Variants in KCNK15 observed in about 807,000 individuals in gnomAD.
KCNK15 encodes potassium channel subfamily K member 15.
Under a neutral mutation model 8.5 loss-of-function variants are expected in KCNK15, and 9 were observed. The ratio of observed to expected loss-of-function variants is 1.06; its 90% CI spans 0.64 to 1.85. The LOEUF (loss-of-function observed/expected upper bound fraction) is 1.85, where lower values mean the gene tolerates loss of function less well. Ranked by LOEUF, KCNK15 falls within the 40% of genes most tolerant of loss-of-function variation. The pLI, the probability that KCNK15 is intolerant of heterozygous loss-of-function variation, is 0.00. For missense variants in KCNK15, 467 were observed against 476.8 expected, an observed-to-expected ratio of 0.98 and a Z score of 0.19; for synonymous variants, 224 against 232.7, an observed-to-expected ratio of 0.96 and a Z score of 0.34.
chr20:44,748,818 C>T (rs1343960145), intron 1 of KCNK15, among the ~76,000 whole-genome samples: 1 of 152,052 alleles, frequency 6.6e-6, no homozygotes, highest in African/African-American at 2.4e-5. Context: ...TAGCAGTGTC[C>T]CTGGCCTCTA....
In KCNK15 at chr20:44,750,158, T is replaced by C. The variant is rs2066023003; in HGVS notation, c.313T>C (p.Ser105Pro). The C allele has an allele frequency of 6.2e-7, 1 of 1,611,904 alleles. No homozygotes were observed. The highest frequency in any genetic ancestry group is 8.5e-7 in the Non-Finnish European group (1 of 1,179,584). The change falls in exon 2 of 2, where the codon TCC (serine) becomes CCC (proline). Residue 105 changes from serine to proline, a missense_variant. Physicochemically the swap from Ser to Pro is moderately conservative, Grantham distance 74. This residue lies in a region of KCNK15 where 455 missense variants were observed against 441.2 expected (regional missense o/e 1.03). Transcript: ENST00000372861. ...EYGHAAPGTD[S>P]GKVFCMFYAL... ...CGGCCACGCCGCGCCGGGTACGGAC[T>C]CCGGCAAGGTCTTCTGCATGTTCTA...
In KCNK15 at chr20:44,750,796, C is replaced by T. The variant is rs2066028224; in HGVS notation, c.951C>T (p.Gly317=). ...CCTCGAGCCCGGGGGTCGTGCGTGG[C>T]GGGCAGGCTCCCAGGCTTGGGGCCC... The part of the protein sequence containing the change: ...SPPSSPGVVR[G]GQAPRLGARW... The change falls in exon 2 of 2, where the codon GGC becomes GGT. Residue 317 remains glycine (G), a synonymous_variant. Coordinates refer to ENST00000372861, the MANE Select transcript of KCNK15 (RefSeq NM_022358.4). 6.7e-7 allele frequency: 1 copy of T among 1,497,912 alleles called. No individual in the cohort carries two copies. Among genetic ancestry groups the T allele is most frequent in the Non-Finnish European group, 8.9e-7 (1 of 1,129,080 alleles). The allele number at this position is 1,497,912 out of a possible 1,614,324, so 92.8% of individuals were successfully genotyped here.
chr20:44,748,885 A>G (rs1293258420), intron 1 of KCNK15, among the ~76,000 whole-genome samples: 2 of 152,126 alleles, frequency 1.3e-5, no homozygotes, highest in African/African-American at 4.8e-5. Context: ...ATTTGTGACA[A>G]CCAGAATGTC....
intron 1 of KCNK15, among the ~76,000 whole-genome samples, chr20:44,748,590 C>T (rs569397964): frequency 6.6e-6 from 1 of 152,290 alleles, no homozygotes; most frequent in Admixed American, 6.5e-5. Context: ...GTGTGTCCTT[C>T]TGGATATATT....
chr20:44,747,746 C>T (rs1396793990), intron 1 of KCNK15, among the ~76,000 whole-genome samples: 1 of 152,254 alleles, frequency 6.6e-6, no homozygotes, highest in Non-Finnish European at 1.5e-5. Flanking sequence ...TTGCAGAGAG[C>T]CAGGTGCCAG....
Position 44,746,035 on chromosome 20 carries a change from T to G in KCNK15, c.125T>G (p.Val42Gly). 6.5e-7 allele frequency: 1 copy of G among 1,544,846 alleles called. No homozygotes were observed. The highest frequency in any genetic ancestry group is 1.4e-5 in the African/African-American group (1 of 70,868). Residue 42 changes from valine to glycine, a missense_variant, in exon 1 of 2, where the codon GTC becomes GGC. Coordinates refer to ENST00000372861, the MANE Select transcript of KCNK15 (RefSeq NM_022358.4). ...GAAAGCGGCCGCCAGCGACTGCTGG[T>G]CCAGAAGCGGGGCGCTCTCCGGAGG... is the stretch of plus-strand genomic sequence containing the variant. ...EAESGRQRLLVQKRGALRRKF... is the reference protein window; with the variant it reads ...EAESGRQRLLGQKRGALRRKF...
Position 44,750,273 on chromosome 20 carries a change from C to G in KCNK15, c.428C>G (p.Ala143Gly). Residue 143 changes from alanine to glycine, a missense_variant, in exon 2 of 2, where the codon GCC becomes GGC. By Grantham distance (60) the Ala-to-Gly change is moderately conservative. This residue lies in a region of KCNK15 where 455 missense variants were observed against 441.2 expected (regional missense o/e 1.03). Transcript: ENST00000372861. ...NAVVRRLLLA[A>G]KCCLGLRWTC... The stretch of plus-strand genomic sequence containing the variant: ...GTGGTGCGGCGCCTCCTGTTGGCGG[C>G]CAAGTGCTGCCTGGGCCTGCGGTGG... 1 of 1,605,864 alleles carries G rather than the reference C, an allele frequency of 6.2e-7. No homozygotes were observed. Among genetic ancestry groups the G allele is most frequent in the Non-Finnish European group, 8.5e-7 (1 of 1,177,104 alleles).
rs2066035893 is a variant in KCNK15, at chr20:44,752,134, A to T, written c.*1296A>T. ...TAGACGGGCACCATCAGCCCACCTC[A>T]CAGGCTCGGCGTCGGGTGAGCTCGT... On this transcript the variant is annotated 3_prime_UTR_variant, in exon 2 of 2. Transcript: ENST00000372861. 1 of 152,218 alleles carries T rather than the reference A, an allele frequency of 6.6e-6. No homozygotes were observed. Among genetic ancestry groups the T allele is most frequent in the African/African-American group, 2.4e-5 (1 of 41,432 alleles). 9.4% of individuals were successfully genotyped at this position (152,218 alleles called of 1,614,324 possible).
chr20:44,747,764 G>T (rs536053546), intron 1 of KCNK15, among the ~76,000 whole-genome samples: 1 of 152,388 alleles, frequency 6.6e-6, no homozygotes, highest in South Asian at 2.1e-4. Flanking sequence ...CAGGCCCCAG[G>T]AATTTGGGCT....
At chr20:44,746,265 C>T in intron 1 of KCNK15, 72 bp downstream of exon 1, 1 of 1,270,068 alleles carries the variant, frequency 7.9e-7, no homozygotes, top group Non-Finnish European at 1.0e-6. Flanking sequence ...GGGTTTCGGT[C>T]CCACCTCTGC....
At chr20:44,746,324 C>G in intron 1 of KCNK15, 131 bp downstream of exon 1, 1 of 764,156 alleles carries the variant, frequency 1.3e-6, no homozygotes, top group Non-Finnish European at 1.8e-6. Flanking sequence ...CTCACCGAGC[C>G]TCCCTCATCT....
intron 1 of KCNK15, among the ~76,000 whole-genome samples, chr20:44,749,433 T>C (rs565111189): frequency 6.6e-6 from 1 of 152,148 alleles, no homozygotes; most frequent in Non-Finnish European, 1.5e-5. Context: ...AGGTGTTCAG[T>C]GCGGGCAGGC....
In KCNK15 at chr20:44,746,082, G is replaced by A. The variant is rs2066005576; in HGVS notation, c.172G>A (p.Asp58Asn). The A allele has an allele frequency of 7.1e-6, 11 of 1,545,226 alleles. No individual in the cohort carries two copies. Among genetic ancestry groups the A allele is most frequent in the Non-Finnish European group, 9.6e-6 (11 of 1,143,492 alleles). The change falls in exon 1 of 2, where the codon GAC becomes AAC. Residue 58 changes from aspartate to asparagine, a missense_variant. By Grantham distance (23) the Asp-to-Asn change is conservative (BLOSUM62 1). This residue lies in a region of KCNK15 where 455 missense variants were observed against 441.2 expected (regional missense o/e 1.03). Transcript: ENST00000372861. The stretch of plus-strand genomic sequence containing the variant: ...GAGGAAGTTCGGCTTCTCGGCCGAG[G>A]ACTACCGCGAGCTGGAGCGCCTGGC... ...LRRKFGFSAE[D>N]YRELERLALQ... is the part of the protein sequence containing the mutation.
intron 1 of KCNK15, among the ~76,000 whole-genome samples, chr20:44,749,463 TAGTC>T (rs2066019834): frequency 6.6e-6 from 1 of 151,400 alleles, no homozygotes; most frequent in African/African-American, 2.4e-5. Context: ...GAGGGGGAGG[TAGTC>T]AGGAGAAAAG....
In KCNK15 at chr20:44,750,403, C is replaced by T. The variant is rs1244414468; in HGVS notation, c.558C>T (p.Phe186=). The T allele has an allele frequency of 2.5e-6, 4 of 1,613,996 alleles. No individual in the cohort carries two copies. Among genetic ancestry groups the T allele is most frequent in the Non-Finnish European group, 3.4e-6 (4 of 1,179,898 alleles). ...TCTCGCACTTCGAGGGCTGGACCTT[C>T]TTCCACGCCTACTACTACTGCTTCA... ...VAFSHFEGWT[F]FHAYYYCFIT... The change falls in exon 2 of 2, where the codon TTC becomes TTT. Residue 186 remains phenylalanine, a synonymous_variant. Coordinates refer to ENST00000372861, the MANE Select transcript of KCNK15 (RefSeq NM_022358.4).
chr20:44,746,973 G>A (rs149778187), intron 1 of KCNK15: 3 of 152,332 alleles, frequency 2.0e-5, no homozygotes, highest in African/African-American at 4.8e-5. Context: ...TACCTGCTGA[G>A]CCTAAACCTG....
Position 44,750,734 on chromosome 20 carries a change from G to A in KCNK15, c.889G>A (p.Glu297Lys). ...TGTCTTCTGCCACGTGCACAAGCTG[G>A]AGAGGTGCGCCCGCGACAACCTGGG... is the stretch of plus-strand genomic sequence containing the variant. ...ASVFCHVHKL[E>K]RCARDNLGFS... is the part of the protein sequence containing the mutation. The change falls in exon 2 of 2, where the codon GAG becomes AAG. Residue 297 changes from glutamate (E) to lysine (K), a missense_variant. This residue lies in a region of KCNK15 where 455 missense variants were observed against 441.2 expected (regional missense o/e 1.03). Transcript: ENST00000372861. 6.7e-7 allele frequency: 1 copy of A among 1,502,776 alleles called. No individual in the cohort carries two copies. The highest frequency in any genetic ancestry group is 2.6e-5 in the East Asian group (1 of 38,320). The allele number at this position is 1,502,776 out of a possible 1,614,324, so 93.1% of individuals were successfully genotyped here. A position where few individuals can be genotyped will look rare whatever the true frequency, so the allele number is the denominator to read the frequency against.
rs2066033318 is a variant in KCNK15 at position 44,751,734 on chromosome 20, AC to A, written c.*900del. 6.6e-6 allele frequency: 1 copy of A among 152,048 alleles called. No homozygotes were observed. The highest frequency in any genetic ancestry group is 2.1e-4 in the South Asian group (1 of 4,824). 9.4% of individuals were successfully genotyped at this position (152,048 alleles called of 1,614,324 possible). On this transcript the variant is annotated 3_prime_UTR_variant, in exon 2 of 2. Coordinates refer to ENST00000372861, the MANE Select transcript of KCNK15 (RefSeq NM_022358.4). Reference sequence around the variant, plus strand: ...AAAGCCCGAGGTGTGGCATCCTGGCACCCCGTGGCACTCAGCCACTTCCCCT... The same window carrying A: ...AAAGCCCGAGGTGTGGCATCCTGGCACCCGTGGCACTCAGCCACTTCCCCT...
chr20:44,747,619 T>C (rs1247201107), intron 1 of KCNK15, among the ~76,000 whole-genome samples: 3 of 152,242 alleles, frequency 2.0e-5, no homozygotes, highest in African/African-American at 7.2e-5. Flanking sequence ...TCTTTACCTC[T>C]GAGGTACGTC....
Sources: gnomAD v4.1 joint callset for allele counts (sites outside exome capture counted in the v4.1 genomes callset) on GRCh38, gnomAD v4.1.1 for gene constraint, gnomAD v4.1.1 regional missense constraint, MANE v1.5 for transcripts, NCBI Gene and HGNC (gene_info 2026-07-23, HGNC 2026-07-21) for gene names.